Variants in EFCAB13 observed in about 807,000 individuals in gnomAD.
EFCAB13 encodes the protein EF-hand calcium-binding domain-containing protein 13.
Under a neutral mutation model 110.2 loss-of-function variants are expected in EFCAB13, and 91 were observed. The observed-to-expected ratio is 0.83, with a 90% CI of 0.70 to 0.98. The LOEUF is 0.98. Among genes scored for constraint, EFCAB13 ranks in the 50% least tolerant of loss-of-function variants. EFCAB13 has a pLI of 0.00. For missense variants in EFCAB13, 968 were observed against 1,119.4 expected, an observed-to-expected ratio of 0.86 and a Z score of 1.93; for synonymous variants, 323 against 369.9, an observed-to-expected ratio of 0.87 and a Z score of 1.45.
chr17:47,397,781 G>A (rs939054805), intron 17 of EFCAB13, among the ~76,000 whole-genome samples: 29 of 149,940 alleles, frequency 1.9e-4, no homozygotes, highest in African/African-American at 6.7e-4. Context: ...CCTGGCAACC[G>A]CCCGTCTGAG....
chr17:47,354,892 G>T (rs1264792824), intron 9 of EFCAB13, among the ~76,000 whole-genome samples: 9 of 152,108 alleles, frequency 5.9e-5, no homozygotes, highest in Non-Finnish European at 2.9e-5. Flanking sequence ...GAGATGTGAG[G>T]TACTATTCTA....
intron 16 of EFCAB13, among the ~76,000 whole-genome samples, chr17:47,395,444 A>G (rs1046812837): frequency 3.3e-5 from 5 of 152,202 alleles, no homozygotes; most frequent in Non-Finnish European, 7.3e-5. Flanking sequence ...TGTTGTCTAC[A>G]GTGGTAGATT....
chr17:47,409,448 G>A (rs958728979), intron 20 of EFCAB13, 199 bp from the exon 21 acceptor site: 3 of 524,238 alleles, frequency 5.7e-6, no homozygotes, highest in Non-Finnish European at 1.1e-5. Context: ...CCATGAAGGA[G>A]CCCAAGTAGT....
intron 14 of EFCAB13, among the ~76,000 whole-genome samples, chr17:47,380,880 CTTTTTTTTTT>C (rs751480738): frequency 2.4e-5 from 3 of 122,936 alleles, no homozygotes; most frequent in Admixed American, 1.7e-4. Context: ...ATTGCTTCTT[CTTTTTTTTTT>C]TTTTTTTTTT....
intron 20 of EFCAB13, among the ~76,000 whole-genome samples, chr17:47,407,565 A>G (rs1178494315): frequency 1.3e-5 from 2 of 152,182 alleles, no homozygotes; most frequent in Non-Finnish European, 2.9e-5. Flanking sequence ...GGACTCCACG[A>G]AAGAAAATTG....
Position 47,394,004 on chromosome 17 carries a change from AT to A in EFCAB13, c.1727-20del, listed in dbSNP as rs776243040. On this transcript the variant is annotated intron_variant, in intron 15 of 24. Coordinates refer to ENST00000331493, the MANE Select transcript of EFCAB13 (RefSeq NM_152347.5). Reference sequence around the variant, plus strand: ...ATAATACTTAAAAGATGCCAAAAAAATGTGTTTCTTTTTCCTGTAGAAACAA... The same window carrying A: ...ATAATACTTAAAAGATGCCAAAAAAAGTGTTTCTTTTTCCTGTAGAAACAA... 5.9e-5 allele frequency: 85 copies of A among 1,437,022 alleles called. No homozygotes were observed. Among genetic ancestry groups the A allele is most frequent in the Middle Eastern group, 1.8e-4 (1 of 5,516 alleles). The allele number at this position is 1,437,022 out of a possible 1,614,324, so 89.0% of individuals were successfully genotyped here.
At chr17:47,391,296 T>G in intron 14 of EFCAB13, 141 bp from the exon 15 acceptor site, 1 of 502,474 alleles carries the variant, frequency 2.0e-6, no homozygotes, top group Non-Finnish European at 3.2e-6. Context: ...TTAAAGATTC[T>G]AGATATGCTT....
chr17:47,358,884 A>G (rs55827775), intron 9 of EFCAB13, among the ~76,000 whole-genome samples: 3,152 of 152,296 alleles, frequency 0.021, 118 homozygotes, highest in African/African-American at 0.073. Context: ...ATTTTTCTTG[A>G]AGAAATTCCT....
Position 47,405,184 on chromosome 17 carries a change from G to T in EFCAB13, c.2233+551G>T, listed in dbSNP as rs998200411. On this transcript the variant is annotated intron_variant, in intron 20 of 24. Coordinates refer to ENST00000331493, the MANE Select transcript of EFCAB13 (RefSeq NM_152347.5). ...CTGCATAATGTTATACTAGAGGAATGAACTATAATTTTGTCCACAATACTT... is the reference window on the plus strand; with the variant it reads ...CTGCATAATGTTATACTAGAGGAATTAACTATAATTTTGTCCACAATACTT... Among the ~76,000 whole-genome samples, 12 of 152,144 alleles carry T rather than the reference G, an allele frequency of 7.9e-5. 1 individual carries two copies. Among genetic ancestry groups the T allele is most frequent in the Admixed American group, 6.5e-4 (10 of 15,282 alleles).
chr17:47,440,824 A>T lies in EFCAB13; in HGVS notation c.*110A>T, dbSNP rs1425853627. The T allele has an allele frequency of 4.7e-5, 45 of 953,818 alleles. No individual in the cohort carries two copies. The highest frequency in any genetic ancestry group is 5.9e-6 in the Non-Finnish European group (4 of 674,732). The allele number at this position is 953,818 out of a possible 1,614,324, so 59.1% of individuals were successfully genotyped here. A position where few individuals can be genotyped will look rare whatever the true frequency, so the allele number is the denominator to read the frequency against. On this transcript the variant is annotated 3_prime_UTR_variant, in exon 25 of 25. Transcript: ENST00000331493. ...AATTTTTAAAACTTTTGACAAATCC[A>T]GTAGAATTTTTATCACTATCTGTTA...
At position 47,374,938 on chromosome 17, in the gene EFCAB13, T is replaced by C. The variant is rs377193277; in HGVS notation, c.1344T>C (p.Ser448=). The C allele has an allele frequency of 8.0e-5, 126 of 1,582,886 alleles. No individual in the cohort carries two copies. Among genetic ancestry groups the C allele is most frequent in the Non-Finnish European group, 9.8e-5 (115 of 1,170,540 alleles). ...CCAGTCTCCAAAAACAGGTTTCGTC[T>C]ACGGAAAAAACTGCAATTAGTACTC... ...KHSSLQKQVS[S]TEKTAISTLE... Residue 448 remains serine (S), a synonymous_variant, in exon 12 of 25, where the codon TCT becomes TCC. Transcript: ENST00000331493.
intron 10 of EFCAB13, among the ~76,000 whole-genome samples, chr17:47,364,220 T>C (rs1169707971): frequency 6.6e-6 from 1 of 152,206 alleles, no homozygotes; most frequent in Non-Finnish European, 1.5e-5. Flanking sequence ...TACTTCTCTA[T>C]TCCTCATGCA....
At chr17:47,332,985 TC>T (rs996814774) in intron 4 of EFCAB13, among the ~76,000 whole-genome samples, 1 of 152,192 alleles carries the variant, frequency 6.6e-6, no homozygotes, top group African/African-American at 2.4e-5. Context: ...TTGAGGAACC[TC>T]CATACTGTTT....
chr17:47,372,014 GAC>G (rs1286229140), intron 11 of EFCAB13, among the ~76,000 whole-genome samples: 3 of 152,164 alleles, frequency 2.0e-5, no homozygotes, highest in African/African-American at 7.2e-5. Flanking sequence ...ATAAAGGAAA[GAC>G]ATTTAATTGA....
At chr17:47,372,661 G>A (rs973351183) in intron 11 of EFCAB13, among the ~76,000 whole-genome samples, 5 of 152,066 alleles carry the variant, frequency 3.3e-5, no homozygotes, top group African/African-American at 4.8e-5. Flanking sequence ...ACTTTTGTCT[G>A]GGAAAGTCTT....
chr17:47,402,093 G>A lies in EFCAB13; in HGVS notation c.1946-39G>A, dbSNP rs375232583. The A allele has an allele frequency of 6.2e-5, 97 of 1,555,078 alleles. 1 individual carries two copies. Among genetic ancestry groups the A allele is most frequent in the South Asian group, 4.0e-4 (36 of 89,806 alleles). ...TTGCTTTATTGGATCTGACTTTTGC[G>A]TAATGAGGTTGGTCTATTAAAAGTG... On this transcript the variant is annotated intron_variant, in intron 17 of 24. Coordinates refer to ENST00000331493, the MANE Select transcript of EFCAB13 (RefSeq NM_152347.5).
In EFCAB13 at chr17:47,344,231, C is replaced by G. The variant is rs770260947; in HGVS notation, c.373C>G (p.Pro125Ala). 6.2e-7 allele frequency: 1 copy of G among 1,613,230 alleles called. No individual in the cohort carries two copies. The highest frequency in any genetic ancestry group is 8.5e-7 in the Non-Finnish European group (1 of 1,179,392). ...TRKENSLCKL[P>A]NQYSVHKTSS... ...GAAAGAAAACTCTTTATGCAAGTTG[C>G]CGAATCAGTACAGCGTTCACAAGAC... Residue 125 changes from proline to alanine, a missense_variant, in exon 7 of 25, where the codon CCG becomes GCG. Physicochemically the swap from Pro to Ala is conservative, Grantham distance 27. Coordinates refer to ENST00000331493, the MANE Select transcript of EFCAB13 (RefSeq NM_152347.5).
chr17:47,409,526 G>A, intron 20 of EFCAB13, 121 bp from the exon 21 acceptor site: 1 of 767,260 alleles, frequency 1.3e-6, no homozygotes, highest in Non-Finnish European at 2.2e-6. Flanking sequence ...GAAGGGAATG[G>A]TTATCAATGA....
At position 47,374,940 on chromosome 17, in the gene EFCAB13, C is replaced by T. The variant is rs144496511; in HGVS notation, c.1346C>T (p.Thr449Met). The T allele has an allele frequency of 6.6e-5, 105 of 1,579,928 alleles. No homozygotes were observed. The highest frequency in any genetic ancestry group is 3.4e-4 in the Middle Eastern group (2 of 5,864). The change falls in exon 12 of 25, where the codon ACG (threonine) becomes ATG (methionine). Residue 449 changes from threonine (T) to methionine (M), a missense_variant. Coordinates refer to ENST00000331493, the MANE Select transcript of EFCAB13 (RefSeq NM_152347.5). ...AGTCTCCAAAAACAGGTTTCGTCTACGGAAAAAACTGCAATTAGTACTCTG... is the reference window on the plus strand; with the variant it reads ...AGTCTCCAAAAACAGGTTTCGTCTATGGAAAAAACTGCAATTAGTACTCTG... Reference protein sequence around the residue: ...HSSLQKQVSSTEKTAISTLEN... With the variant: ...HSSLQKQVSSMEKTAISTLEN...
Sources: gnomAD v4.1 joint callset for allele counts (sites outside exome capture counted in the v4.1 genomes callset) on GRCh38, gnomAD v4.1.1 for gene constraint, MANE v1.5 for transcripts, NCBI Gene and HGNC (gene_info 2026-07-23, HGNC 2026-07-21) for gene names.